FANCL: variants seen among roughly 807,000 people sequenced by gnomAD.
FANCL encodes the protein FA complementation group L, also known as E3 ubiquitin-protein ligase FANCL.
A neutral mutation model predicts 59.4 loss-of-function variants in FANCL; 69 were observed. The ratio of observed to expected loss-of-function variants is 1.16; its 90% CI spans 0.96 to 1.42. The LOEUF (loss-of-function observed/expected upper bound fraction) is 1.42. FANCL is among the 40% of genes most tolerant of loss of function. The probability of loss-of-function intolerance (pLI) is 0.00; values close to 1 mark genes in which losing one functional copy is unlikely to be tolerated. For synonymous variants in FANCL, 180 were observed against 147.1 expected, an observed-to-expected ratio of 1.22 and a Z score of -1.62; for missense variants, 519 against 447.2, an observed-to-expected ratio of 1.16 and a Z score of -1.45.
At chr2:58,189,360 C>G (rs991249302) in intron 7 of FANCL, among the ~76,000 whole-genome samples, 1 of 152,068 alleles carries the variant, frequency 6.6e-6, no homozygotes, top group African/African-American at 2.4e-5. Flanking sequence ...AACAGCTTCT[C>G]GTTAGTTTTC....
intron 4 of FANCL, among the ~76,000 whole-genome samples, chr2:58,223,961 A>C (rs1364258411): frequency 6.6e-6 from 1 of 151,912 alleles, no homozygotes; most frequent in Non-Finnish European, 1.5e-5. Context: ...TAATTCTTAT[A>C]TCTTTAGGTA....
intron 7 of FANCL, among the ~76,000 whole-genome samples, chr2:58,177,852 A>G (rs1165557430): frequency 6.6e-6 from 1 of 151,990 alleles, no homozygotes; most frequent in Non-Finnish European, 1.5e-5. Flanking sequence ...CCAGACTAAT[A>G]AAGAAGAAAA....
rs1686374977 is a variant in FANCL, at chr2:58,169,852, GA to G, written c.541-3979del. ...AATAAAGTGTGAAGACAAGATTAGAGAAAAAAGAATGAGAAGGAATGAACAA... is the reference window on the plus strand; with the variant it reads ...AATAAAGTGTGAAGACAAGATTAGAGAAAAAGAATGAGAAGGAATGAACAA... On this transcript the variant is annotated intron_variant, in intron 7 of 13. Coordinates refer to ENST00000233741, the MANE Select transcript of FANCL (RefSeq NM_018062.4). 2.6e-5 allele frequency among the ~76,000 whole-genome samples: 4 copies of G among 152,104 alleles called. No individual in the cohort carries two copies. In the South Asian group the frequency reaches 8.3e-4, roughly 32 times the overall value.
intron 7 of FANCL, among the ~76,000 whole-genome samples, chr2:58,172,668 A>G (rs1686783663): frequency 6.6e-6 from 1 of 152,240 alleles, no homozygotes; most frequent in Non-Finnish European, 1.5e-5. Flanking sequence ...AAAAGTAGAT[A>G]AAACCACAAA....
chr2:58,167,578 T>C (rs1686082660), intron 7 of FANCL, among the ~76,000 whole-genome samples: 1 of 152,232 alleles, frequency 6.6e-6, no homozygotes, highest in Non-Finnish European at 1.5e-5. Context: ...ATTTCTCTTA[T>C]GCACAACTGC....
chr2:58,208,214 C>T (rs1690783855), intron 5 of FANCL, among the ~76,000 whole-genome samples: 1 of 151,940 alleles, frequency 6.6e-6, no homozygotes, highest in African/African-American at 2.4e-5. Context: ...AAAATGCTAG[C>T]AATAAGCCCA....
Position 58,229,871 on chromosome 2 carries a change from T to A in FANCL, c.159A>T (p.Leu53Phe). ...TTGTTCTCAGCTGCCAACTACATAATAATCTAAAATTTTAATGAGACAAAA... is the reference window on the plus strand; with the variant it reads ...TTGTTCTCAGCTGCCAACTACATAAAAATCTAAAATTTTAATGAGACAAAA... ...PEDLQLKNAR[L>F]LCSWQLRTIL... The change falls in exon 3 of 14, where the codon TTA (leucine) becomes TTT (phenylalanine). Residue 53 changes from leucine to phenylalanine, a missense_variant. Leu to Phe is a conservative substitution (Grantham distance 22). Coordinates refer to ENST00000233741, the MANE Select transcript of FANCL (RefSeq NM_018062.4). 6.2e-7 allele frequency: 1 copy of A among 1,607,218 alleles called. No homozygotes were observed. Among genetic ancestry groups the A allele is most frequent in the Non-Finnish European group, 8.5e-7 (1 of 1,173,934 alleles).
At chr2:58,178,175 G>T (rs2104934815) in intron 7 of FANCL, among the ~76,000 whole-genome samples, 1 of 152,194 alleles carries the variant, frequency 6.6e-6, no homozygotes, top group East Asian at 1.9e-4. Context: ...AGAAGAGCTG[G>T]TACCATTCCT....
intron 5 of FANCL, among the ~76,000 whole-genome samples, chr2:58,207,058 C>T (rs1031451721): frequency 6.6e-6 from 1 of 152,100 alleles, no homozygotes; most frequent in East Asian, 1.9e-4. Flanking sequence ...AGTGACTTGT[C>T]CTAGCTGCCC....
intron 1 of FANCL, among the ~76,000 whole-genome samples, chr2:58,239,303 C>T (rs1177734872): frequency 6.6e-6 from 1 of 152,188 alleles, no homozygotes; most frequent in Non-Finnish European, 1.5e-5. Flanking sequence ...AACCAGGTAA[C>T]CTCACAAGCC....
intron 7 of FANCL, among the ~76,000 whole-genome samples, chr2:58,190,107 ATG>A (rs1688781068): frequency 6.6e-6 from 1 of 152,058 alleles, no homozygotes; most frequent in East Asian, 1.9e-4. Context: ...GGCTTCATTG[ATG>A]TTTTCAACTC....
At chr2:58,206,373 G>T (rs537537070) in intron 5 of FANCL, among the ~76,000 whole-genome samples, 1 of 152,068 alleles carries the variant, frequency 6.6e-6, no homozygotes, top group Non-Finnish European at 1.5e-5. Context: ...CAAAGTATTT[G>T]TCTCAAAGAA....
Position 58,159,328 on chromosome 2 carries a change from A to G in FANCL, c.*437T>C, listed in dbSNP as rs948203035. 9 of 1,559,436 alleles carry G rather than the reference A, an allele frequency of 5.8e-6. No homozygotes were observed. The highest frequency in any genetic ancestry group is 1.9e-5 in the Admixed American group (1 of 52,312). On this transcript the variant is annotated 3_prime_UTR_variant, in exon 14 of 14. Coordinates refer to ENST00000233741, the MANE Select transcript of FANCL (RefSeq NM_018062.4). ...TAACTCACGTCTAACAAACTAAACT[A>G]TATATGTATTTTTTCCATAGGAAAG... is the stretch of plus-strand genomic sequence containing the variant.
intron 7 of FANCL, among the ~76,000 whole-genome samples, chr2:58,174,054 T>C (rs1472377708): frequency 6.6e-6 from 1 of 152,100 alleles, no homozygotes; most frequent in African/African-American, 2.4e-5. Context: ...CATTACATAA[T>C]GGTAAAGGGA....
At chr2:58,186,501 A>C (rs893537392) in intron 7 of FANCL, among the ~76,000 whole-genome samples, 3 of 152,130 alleles carry the variant, frequency 2.0e-5, no homozygotes, top group Admixed American at 6.5e-5. Flanking sequence ...GGAATGCCAA[A>C]ATAAGGATGT....
chr2:58,176,965 GC>G (rs1687390664), intron 7 of FANCL, among the ~76,000 whole-genome samples: 1 of 152,036 alleles, frequency 6.6e-6, no homozygotes, highest in African/African-American at 2.4e-5. Context: ...CAAAAAGTGG[GC>G]AAAGGACATG....
chr2:58,192,029 T>C (rs1481176509), intron 7 of FANCL, among the ~76,000 whole-genome samples: 1 of 151,954 alleles, frequency 6.6e-6, no homozygotes. Flanking sequence ...TATGCTACAG[T>C]GGCTGAGCAG....
intron 1 of FANCL, among the ~76,000 whole-genome samples, chr2:58,235,674 T>C (rs1693947059): frequency 6.6e-6 from 1 of 151,506 alleles, no homozygotes; most frequent in African/African-American, 2.4e-5. Flanking sequence ...ATACCCACAA[T>C]GAAGAGAAAA....
intron 7 of FANCL, among the ~76,000 whole-genome samples, chr2:58,185,390 T>G (rs1688301756): frequency 6.6e-6 from 1 of 152,132 alleles, no homozygotes; most frequent in Non-Finnish European, 1.5e-5. Flanking sequence ...CCTGAAAGTT[T>G]CTGAACACAC....
Sources: gnomAD v4.1 joint callset for allele counts (sites outside exome capture counted in the v4.1 genomes callset) on GRCh38, gnomAD v4.1.1 for gene constraint, MANE v1.5 for transcripts, NCBI Gene and HGNC (gene_info 2026-07-23, HGNC 2026-07-21) for gene names.